NEK7: variants seen among roughly 807,000 people sequenced by gnomAD.
NEK7 encodes the protein serine/threonine-protein kinase Nek7.
A neutral mutation model predicts 44.6 loss-of-function variants in NEK7; 18 were observed. The ratio of observed to expected loss-of-function variants is 0.40; its 90% CI spans 0.28 to 0.60. NEK7 has a LOEUF of 0.60. Among genes scored for constraint, NEK7 ranks in the 20% least tolerant of loss-of-function variants. The pLI is 0.38. For missense variants in NEK7, 256 were observed against 366.5 expected, an observed-to-expected ratio of 0.70 and a Z score of 2.46; for synonymous variants, 130 against 121.1, an observed-to-expected ratio of 1.07 and a Z score of -0.48.
intron 1 of NEK7, among the ~76,000 whole-genome samples, chr1:198,231,764 T>C (rs907089238): frequency 3.9e-5 from 6 of 152,058 alleles, no homozygotes; most frequent in Non-Finnish European, 7.4e-5. Context: ...AATATTTGTA[T>C]TGGTTTTTAA....
At chr1:198,255,498 G>A (rs1347812441) in intron 3 of NEK7, among the ~76,000 whole-genome samples, 2 of 152,036 alleles carry the variant, frequency 1.3e-5, no homozygotes, top group Non-Finnish European at 2.9e-5. Context: ...AGAAAGAAGG[G>A]AAGAAAGAAA....
chr1:198,191,042 TA>T (rs759649704), intron 1 of NEK7, among the ~76,000 whole-genome samples: 1 of 152,076 alleles, frequency 6.6e-6, no homozygotes, highest in South Asian at 2.1e-4. Context: ...GTTTACAAAA[TA>T]TTTTTTTTCT....
chr1:198,180,981 G>T (rs1664749130), intron 1 of NEK7, among the ~76,000 whole-genome samples: 1 of 151,938 alleles, frequency 6.6e-6, no homozygotes, highest in Non-Finnish European at 1.5e-5. Flanking sequence ...TGTGGAAAAG[G>T]TCAAAATAGG....
At chr1:198,171,339 C>G (rs1664433793) in intron 1 of NEK7, among the ~76,000 whole-genome samples, 1 of 151,940 alleles carries the variant, frequency 6.6e-6, no homozygotes. Context: ...TGCTTAAAGT[C>G]CTTCAGTTAC....
At chr1:198,163,576 A>G (rs1317793012) in intron 1 of NEK7, among the ~76,000 whole-genome samples, 1 of 152,238 alleles carries the variant, frequency 6.6e-6, no homozygotes, top group Non-Finnish European at 1.5e-5. Flanking sequence ...TTTTATGCAA[A>G]TAGTATATCT....
At chr1:198,284,611 G>A (rs936417760) in intron 7 of NEK7, among the ~76,000 whole-genome samples, 2 of 152,018 alleles carry the variant, frequency 1.3e-5, no homozygotes, top group Admixed American at 1.3e-4. Context: ...AAATTTTCTC[G>A]TATCGTAAGA....
intron 2 of NEK7, among the ~76,000 whole-genome samples, chr1:198,250,219 G>C (rs940330505): frequency 1.4e-4 from 21 of 147,176 alleles, no homozygotes; most frequent in Non-Finnish European, 2.2e-4. Context: ...TGAGGGCTCT[G>C]TTCTGTTCCA....
intron 1 of NEK7, among the ~76,000 whole-genome samples, chr1:198,159,609 G>C (rs1664038735): frequency 6.6e-6 from 1 of 152,144 alleles, no homozygotes; most frequent in Non-Finnish European, 1.5e-5. Flanking sequence ...TTATTTCTAA[G>C]CGTACAGACT....
chr1:198,288,650 A>G (rs1197317687), intron 7 of NEK7, among the ~76,000 whole-genome samples: 1 of 152,162 alleles, frequency 6.6e-6, no homozygotes, highest in Non-Finnish European at 1.5e-5. Flanking sequence ...CAGTATAATA[A>G]TTGAAACATC....
At chr1:198,162,661 TG>T (rs1245799236) in intron 1 of NEK7, among the ~76,000 whole-genome samples, 1 of 152,184 alleles carries the variant, frequency 6.6e-6, no homozygotes, top group Non-Finnish European at 1.5e-5. Context: ...TCACCCACTC[TG>T]CCTTGGCCCA....
Position 198,157,273 on chromosome 1 carries a change from C to T in NEK7, c.-32C>T, listed in dbSNP as rs1325456253. ...CGGGAGAACGGAAAACTCCCAACTT[C>T]CTGGTGAGTCGCTGCCCAGGGTTCA... is the stretch of plus-strand genomic sequence containing the variant. On this transcript the variant is annotated 5_prime_UTR_variant, in exon 1 of 10. Coordinates refer to ENST00000367385, the MANE Select transcript of NEK7 (RefSeq NM_133494.3). The T allele has an allele frequency of 2.0e-5, 3 of 152,096 alleles. No homozygotes were observed. The allele number at this position is 152,096 out of a possible 1,614,324, so 9.4% of individuals were successfully genotyped here. A position where few individuals can be genotyped will look rare whatever the true frequency, so the allele number is the denominator to read the frequency against.
rs373838036 is a variant in NEK7 at position 198,272,873 on chromosome 1, G to C, written c.373-5088G>C. 5.9e-5 allele frequency among the ~76,000 whole-genome samples: 9 copies of C among 151,848 alleles called. No individual in the cohort carries two copies. The East Asian group carries it at 9.7e-4, about 16-fold the overall frequency. On this transcript the variant is annotated intron_variant, in intron 5 of 9. Coordinates refer to ENST00000367385, the MANE Select transcript of NEK7 (RefSeq NM_133494.3). ...ATGTACCAGTTTTCAGGAGGCAACT[G>C]TTTTGGGGAAGTTTTGTGACTTTAT...
intron 1 of NEK7, among the ~76,000 whole-genome samples, chr1:198,194,669 G>A (rs1370741441): frequency 5.3e-5 from 8 of 151,996 alleles, no homozygotes; most frequent in African/African-American, 1.9e-4. Context: ...ATGACTGCAT[G>A]GTATTCCATG....
chr1:198,287,344 G>A (rs1227867342), intron 7 of NEK7, among the ~76,000 whole-genome samples: 1 of 150,938 alleles, frequency 6.6e-6, no homozygotes, highest in Non-Finnish European at 1.5e-5. Context: ...AGCTGAGTGT[G>A]GATCACGCCA....
chr1:198,189,194 T>C (rs934908911), intron 1 of NEK7, among the ~76,000 whole-genome samples: 2 of 152,158 alleles, frequency 1.3e-5, no homozygotes, highest in African/African-American at 2.4e-5. Context: ...CTGGTATTAG[T>C]GTCATATAGG....
chr1:198,166,053 C>G (rs1664257553), intron 1 of NEK7, among the ~76,000 whole-genome samples: 1 of 152,204 alleles, frequency 6.6e-6, no homozygotes, highest in South Asian at 2.1e-4. Flanking sequence ...TCTCAGCCTT[C>G]ACAGAGCTGA....
intron 1 of NEK7, among the ~76,000 whole-genome samples, chr1:198,223,288 G>A (rs1173080470): frequency 1.3e-5 from 2 of 152,270 alleles, no homozygotes; most frequent in Non-Finnish European, 1.5e-5. Context: ...AACTTGTAGG[G>A]TAGTAGTAGT....
At chr1:198,171,021 C>G (rs1325230896) in intron 1 of NEK7, among the ~76,000 whole-genome samples, 1 of 152,252 alleles carries the variant, frequency 6.6e-6, no homozygotes. Flanking sequence ...TCACCTTAGC[C>G]TCCTGAAGTG....
At chr1:198,231,167 G>A (rs1453721076) in intron 1 of NEK7, among the ~76,000 whole-genome samples, 3 of 150,872 alleles carry the variant, frequency 2.0e-5, no homozygotes, top group South Asian at 4.2e-4. Context: ...ATAGTACAGT[G>A]TAGTAGGTAC....
Sources: allele counts gnomAD v4.1 joint callset (sites outside exome capture counted in the v4.1 genomes callset), GRCh38; gene constraint gnomAD v4.1.1; transcripts MANE v1.5; gene names NCBI Gene and HGNC (gene_info 2026-07-23, HGNC 2026-07-21).